Variants in ANO2 observed in about 807,000 individuals in gnomAD.
ANO2 encodes anoctamin 2.
In ANO2, 101 loss-of-function variants were observed where a neutral mutation model predicts 124.2. That is an observed-to-expected ratio of 0.81 (90% CI 0.69 to 0.96). The LOEUF (loss-of-function observed/expected upper bound fraction) is 0.96, where lower values mean the gene tolerates loss of function less well. Among genes scored for constraint, ANO2 ranks in the 40% least tolerant of loss-of-function variants. ANO2 has a pLI of 0.00. For missense variants in ANO2, 1,293 were observed against 1,274.5 expected, an observed-to-expected ratio of 1.01 and a Z score of -0.22; for synonymous variants, 486 against 482.5, an observed-to-expected ratio of 1.01 and a Z score of -0.09.
chr12:5,648,209 G>A (rs1946741865), intron 14 of ANO2, among the ~76,000 whole-genome samples: 1 of 152,170 alleles, frequency 6.6e-6, no homozygotes, highest in Non-Finnish European at 1.5e-5. Flanking sequence ...TGAGAACCAT[G>A]TGAATATAGT....
At position 5,769,805 on chromosome 12, in the gene ANO2, C is replaced by T. The variant is rs1392514289; in HGVS notation, c.1056-18835G>A. 6.6e-6 allele frequency among the ~76,000 whole-genome samples: 1 copy of T among 152,172 alleles called. No individual in the cohort carries two copies. Among genetic ancestry groups the T allele is most frequent in the Non-Finnish European group, 1.5e-5 (1 of 68,040 alleles). ...ATCCTCACAAGAATCTAAGTGGATA[C>T]AGGTGTTTGCAAACAAATGGCTTGT... On this transcript the variant is annotated intron_variant, in intron 10 of 24. Coordinates refer to ENST00000682330, the MANE Select transcript of ANO2 (RefSeq NM_001364791.2). This position sits in a 1 kb window ranked among gnomAD's most constrained non-coding sequence, Gnocchi z 4.0.
At chr12:5,719,837 G>A (rs1006019898) in intron 14 of ANO2, among the ~76,000 whole-genome samples, 3 of 152,152 alleles carry the variant, frequency 2.0e-5, no homozygotes, top group Admixed American at 6.5e-5. Context: ...AGCTCCGGTT[G>A]AGTTGTCCAC....
chr12:5,825,668 T>C (rs779612990), intron 7 of ANO2, among the ~76,000 whole-genome samples: 10 of 152,168 alleles, frequency 6.6e-5, no homozygotes, highest in Admixed American at 2.0e-4. Flanking sequence ...GCTGGGGTGA[T>C]TGACCCAGAC....
chr12:5,601,641 G>A (rs919006513), intron 19 of ANO2, among the ~76,000 whole-genome samples: 1 of 152,136 alleles, frequency 6.6e-6, no homozygotes, highest in Non-Finnish European at 1.5e-5. Flanking sequence ...GTAATCAGAC[G>A]ACGTGTTCAA....
chr12:5,575,917 G>A lies in ANO2; in HGVS notation c.2538C>T (p.Thr846=). 1 of 1,613,684 alleles carries A rather than the reference G, an allele frequency of 6.2e-7. No homozygotes were observed. The highest frequency in any genetic ancestry group is 1.1e-5 in the South Asian group (1 of 90,972). ...GCTGGCTGACGTTGAAAAAGGAGAGGGTGTGGTTGACAAAGCCGTGCAGAG... is the reference window on the plus strand; with the variant it reads ...GCTGGCTGACGTTGAAAAAGGAGAGAGTGTGGTTGACAAAGCCGTGCAGAG... The part of the protein sequence containing the change: ...NGTLHGFVNH[T]LSFFNVSQLK... Residue 846 remains threonine (T), a synonymous_variant, in exon 23 of 25, where the codon ACC becomes ACT. Coordinates refer to ENST00000682330, the MANE Select transcript of ANO2 (RefSeq NM_001364791.2).
At chr12:5,855,784 T>C (rs1295230604) in intron 3 of ANO2, among the ~76,000 whole-genome samples, 1 of 152,136 alleles carries the variant, frequency 6.6e-6, no homozygotes, top group East Asian at 1.9e-4. Context: ...GTTACACAGA[T>C]AGTGCAATAA....
In ANO2 at chr12:5,806,178, T is replaced by G. The variant is rs185890704; in HGVS notation, c.949-85A>C. On this transcript the variant is annotated intron_variant, in intron 8 of 24. Transcript: ENST00000682330. ...GGAGAAAGGATTTTCTTTTTTATTT[T>G]CTAATATCATTGCTTTTTTTTCATT... 2.5e-4 allele frequency: 336 copies of G among 1,370,402 alleles called. No individual in the cohort carries two copies. In the African/African-American group the frequency reaches 4.3e-3, roughly 17 times the overall value. 84.9% of individuals were successfully genotyped at this position (1,370,402 alleles called of 1,614,324 possible).
intron 14 of ANO2, among the ~76,000 whole-genome samples, chr12:5,715,183 C>T (rs1949974656): frequency 6.6e-6 from 1 of 152,038 alleles, no homozygotes; most frequent in Non-Finnish European, 1.5e-5. Flanking sequence ...CCTACTTGTC[C>T]TCTAAATTGT....
chr12:5,785,259 G>A (rs1215560802), intron 10 of ANO2, among the ~76,000 whole-genome samples: 1 of 152,074 alleles, frequency 6.6e-6, no homozygotes, highest in Non-Finnish European at 1.5e-5. Flanking sequence ...ATTGGAGGAG[G>A]GAGAAGGAAA....
At chr12:5,913,141 G>A (rs1021660333) in intron 3 of ANO2, among the ~76,000 whole-genome samples, 2 of 152,112 alleles carry the variant, frequency 1.3e-5, no homozygotes, top group African/African-American at 2.4e-5. Context: ...GGCCTCCAGG[G>A]GACGCTGTCA....
At chr12:5,933,016 C>T (rs1220979051) in intron 1 of ANO2, among the ~76,000 whole-genome samples, 2 of 152,206 alleles carry the variant, frequency 1.3e-5, no homozygotes, top group African/African-American at 4.8e-5. Context: ...GATTATGGCC[C>T]TCCTGAGAGC....
chr12:5,922,965 C>T (rs984655103), intron 1 of ANO2, among the ~76,000 whole-genome samples, 161 bp from the exon 2 acceptor site: 1 of 152,138 alleles, frequency 6.6e-6, no homozygotes, highest in East Asian at 1.9e-4. Flanking sequence ...TCACACTGAC[C>T]ACAAGGAAGG....
intron 14 of ANO2, among the ~76,000 whole-genome samples, chr12:5,653,176 T>C (rs1946991404): frequency 1.3e-5 from 2 of 152,310 alleles, no homozygotes; most frequent in African/African-American, 4.8e-5. Flanking sequence ...CCTCATTCTT[T>C]GGGAAGCCCA....
At position 5,577,992 on chromosome 12, in the gene ANO2, A is replaced by AT. The variant is rs755855731; in HGVS notation, c.2401dup (p.Ile801AsnfsTer67). ...AGAGAACTTGCCAATTCCAGAGAGA[A>AT]TGTCAAACCAGATTCCTACAAGACA... On this transcript the variant is annotated frameshift_variant, in exon 22 of 25. Coordinates refer to ENST00000682330, the MANE Select transcript of ANO2 (RefSeq NM_001364791.2). LOFTEE classifies it high-confidence loss of function. 6.2e-7 allele frequency: 1 copy of AT among 1,613,882 alleles called. No individual in the cohort carries two copies. Among genetic ancestry groups the AT allele is most frequent in the East Asian group, 2.2e-5 (1 of 44,850 alleles).
intron 14 of ANO2, among the ~76,000 whole-genome samples, chr12:5,701,087 A>ATTTTTTTTTTT (rs56113538): frequency 5.3e-5 from 5 of 93,608 alleles, no homozygotes; most frequent in Admixed American, 1.4e-4. Flanking sequence ...GTCATTTTCA[A>ATTTTTTTTTTT]TTTTTTTTTT....
intron 5 of ANO2, among the ~76,000 whole-genome samples, chr12:5,832,201 A>C (rs1455949065): frequency 1.3e-5 from 2 of 152,222 alleles, no homozygotes; most frequent in South Asian, 2.1e-4. Flanking sequence ...TTTGCCCTCC[A>C]TCCTGCAAAA....
chr12:5,916,819 T>C (rs557835775), intron 3 of ANO2, among the ~76,000 whole-genome samples: 72 of 151,794 alleles, frequency 4.7e-4, no homozygotes, highest in African/African-American at 1.5e-3. Context: ...CAGGGGGAGA[T>C]TTAAATAAAT....
At chr12:5,737,728 G>A (rs1456606028) in intron 13 of ANO2, among the ~76,000 whole-genome samples, 1 of 151,956 alleles carries the variant, frequency 6.6e-6, no homozygotes, top group Non-Finnish European at 1.5e-5. Flanking sequence ...AAATCAAATG[G>A]GACAAATAAT....
At chr12:5,695,612 AGGCAG>A (rs1949135544) in intron 14 of ANO2, among the ~76,000 whole-genome samples, 1 of 152,230 alleles carries the variant, frequency 6.6e-6, no homozygotes, top group Non-Finnish European at 1.5e-5. Flanking sequence ...AGGCTGAGGC[AGGCAG>A]ATCACCTGAG....
Sources: gnomAD v4.1 joint callset for allele counts (sites outside exome capture counted in the v4.1 genomes callset) on GRCh38, gnomAD v4.1.1 for gene constraint, Gnocchi (gnomAD v3.1) non-coding constraint, MANE v1.5 for transcripts, NCBI Gene and HGNC (gene_info 2026-07-23, HGNC 2026-07-21) for gene names.